Variants in DUSP10 observed in about 807,000 individuals in gnomAD.
The protein encoded by DUSP10 is dual specificity phosphatase 10.
DUSP10 carries 14 observed loss-of-function variants against 30.8 expected under a neutral mutation model. The observed-to-expected ratio is 0.46, with a 90% CI of 0.30 to 0.71. DUSP10 has a LOEUF of 0.71. Among genes scored for constraint, DUSP10 ranks in the 30% least tolerant of loss-of-function variants. The pLI is 0.08. For missense variants in DUSP10, 550 were observed against 619.4 expected, an observed-to-expected ratio of 0.89 and a Z score of 1.19; for synonymous variants, 254 against 250.4, an observed-to-expected ratio of 1.01 and a Z score of -0.14.
At chr1:221,737,425 A>G (rs1368854572) in intron 2 of DUSP10, 2 of 985,192 alleles carry the variant, frequency 2.0e-6, no homozygotes. Context: ...TAGCAGGGTA[A>G]ATATCCTGGG....
chr1:221,736,221 G>C (rs761047818), intron 2 of DUSP10, among the ~76,000 whole-genome samples: 22 of 152,096 alleles, frequency 1.4e-4, no homozygotes, highest in Non-Finnish European at 1.6e-4. Context: ...ATGGAGACAG[G>C]GGGACAAGGA....
intron 2 of DUSP10, among the ~76,000 whole-genome samples, chr1:221,709,849 G>C (rs1166375698): frequency 1.3e-5 from 2 of 152,160 alleles, no homozygotes; most frequent in South Asian, 4.1e-4. Context: ...AGTATCACCA[G>C]AGGCCAAAGT....
At chr1:221,735,341 A>G (rs370818519) in intron 2 of DUSP10, among the ~76,000 whole-genome samples, 1 of 152,230 alleles carries the variant, frequency 6.6e-6, no homozygotes, top group East Asian at 1.9e-4. Flanking sequence ...TCCTACTCCC[A>G]GGGAGGGAAG....
In DUSP10 at chr1:221,718,861, C is replaced by T. The variant is rs142849529; in HGVS notation, c.812-12395G>A. Among the ~76,000 whole-genome samples the T allele has an allele frequency of 4.5e-3, 693 of 152,326 alleles. 4 individuals are homozygous for T. Among genetic ancestry groups the T allele is most frequent in the African/African-American group, 0.016 (665 of 41,562 alleles). The stretch of plus-strand genomic sequence containing the variant: ...ATCTTCAGAAATGTCACATGCGAGC[C>T]TCACAGGAGAGCATATTTCTACTGT... On this transcript the variant is annotated intron_variant, in intron 2 of 3. Transcript: ENST00000366899.
chr1:221,703,061 T>C (rs1660652244), intron 3 of DUSP10, among the ~76,000 whole-genome samples: 1 of 151,974 alleles, frequency 6.6e-6, no homozygotes, highest in South Asian at 2.1e-4. Flanking sequence ...TTCTCTCAAA[T>C]GTCTTGTTCT....
chr1:221,704,866 T>G (rs1372873719), intron 3 of DUSP10, among the ~76,000 whole-genome samples: 2 of 152,114 alleles, frequency 1.3e-5, no homozygotes, highest in African/African-American at 2.4e-5. Flanking sequence ...TGACCAGAGA[T>G]GTCAACACTA....
chr1:221,732,676 C>A (rs1661650501), intron 2 of DUSP10, among the ~76,000 whole-genome samples: 1 of 152,152 alleles, frequency 6.6e-6, no homozygotes, highest in African/African-American at 2.4e-5. Context: ...TGACCTTGGA[C>A]AAGCCCCATT....
At chr1:221,737,700 G>T (rs1661821193) in intron 2 of DUSP10, among the ~76,000 whole-genome samples, 1 of 152,190 alleles carries the variant, frequency 6.6e-6, no homozygotes. Flanking sequence ...GTGGGAAGAG[G>T]AGATTGTGTC....
At chr1:221,715,784 G>A (rs1391017568) in intron 2 of DUSP10, among the ~76,000 whole-genome samples, 1 of 152,160 alleles carries the variant, frequency 6.6e-6, no homozygotes, top group Non-Finnish European at 1.5e-5. Context: ...ATGTGAGCAG[G>A]ATTTGAACTG....
Position 221,709,313 on chromosome 1 carries a change from G to GA in DUSP10, c.812-2848dup, listed in dbSNP as rs143082427. Reference sequence around the variant, plus strand: ...GGGCCTTCCATTTGCCTAATGGGGGGAAAAAAACCCGTGGCGGAGTGGGGG... The same window carrying GA: ...GGGCCTTCCATTTGCCTAATGGGGGGAAAAAAAACCCGTGGCGGAGTGGGGG... On this transcript the variant is annotated intron_variant, in intron 2 of 3. Transcript: ENST00000366899. Among the ~76,000 whole-genome samples the GA allele has an allele frequency of 1.7e-3, 263 of 151,710 alleles. 1 individual carries two copies. Among genetic ancestry groups the GA allele is most frequent in the African/African-American group, 6.3e-3 (259 of 41,302 alleles).
chr1:221,716,646 A>G (rs959028415), intron 2 of DUSP10, among the ~76,000 whole-genome samples: 2 of 152,224 alleles, frequency 1.3e-5, no homozygotes, highest in African/African-American at 4.8e-5. Context: ...TTGGGCTTCA[A>G]TCAAGTGAAT....
intron 2 of DUSP10, among the ~76,000 whole-genome samples, chr1:221,724,132 T>C (rs919519095): frequency 4.6e-5 from 7 of 152,222 alleles, no homozygotes; most frequent in African/African-American, 1.7e-4. Context: ...AATTCTCTAT[T>C]ATACAACAGT....
intron 2 of DUSP10, among the ~76,000 whole-genome samples, chr1:221,707,734 C>T (rs538245296): frequency 3.9e-5 from 6 of 152,132 alleles, no homozygotes; most frequent in Admixed American, 2.0e-4. Context: ...ATTCATTCCA[C>T]GGAGTATTAT....
intron 2 of DUSP10, among the ~76,000 whole-genome samples, chr1:221,727,379 C>G (rs1661454285): frequency 1.3e-5 from 2 of 152,166 alleles, no homozygotes; most frequent in Admixed American, 1.3e-4. Context: ...CTTCTAAACA[C>G]CCTAAACTGA....
At chr1:221,712,914 C>T (rs1358290229) in intron 2 of DUSP10, among the ~76,000 whole-genome samples, 7 of 151,286 alleles carry the variant, frequency 4.6e-5, no homozygotes, top group Non-Finnish European at 7.4e-5. Context: ...TAGGATACTA[C>T]TACTTAGGTC....
Position 221,715,943 on chromosome 1 carries a change from C to T in DUSP10, c.812-9477G>A, listed in dbSNP as rs193271588. On this transcript the variant is annotated intron_variant, in intron 2 of 3. Coordinates refer to ENST00000366899, the MANE Select transcript of DUSP10 (RefSeq NM_007207.6). Reference sequence around the variant, plus strand: ...CCTTTGCCCCCTTCTCCACTCTTCTCTCCCTCACCTCTCCTCCCCAACTCT... The same window carrying T: ...CCTTTGCCCCCTTCTCCACTCTTCTTTCCCTCACCTCTCCTCCCCAACTCT... 1.3e-3 allele frequency among the ~76,000 whole-genome samples: 191 copies of T among 151,246 alleles called. 1 individual carries two copies. Among genetic ancestry groups the T allele is most frequent in the Non-Finnish European group, 1.5e-3 (103 of 67,768 alleles).
At chr1:221,709,448 A>G (rs1660871048) in intron 2 of DUSP10, among the ~76,000 whole-genome samples, 1 of 139,812 alleles carries the variant, frequency 7.2e-6, no homozygotes, top group African/African-American at 2.6e-5. Flanking sequence ...CTCTGTTCTT[A>G]TAATATTTGG....
intron 2 of DUSP10, chr1:221,737,218 T>C: frequency 1.0e-6 from 1 of 985,412 alleles, no homozygotes; most frequent in Non-Finnish European, 1.2e-6. Flanking sequence ...TGTTGTTTCC[T>C]CTCTTCAGAT....
At position 221,702,675 on chromosome 1, in the gene DUSP10, C is replaced by T; in HGVS notation, c.1186G>A (p.Glu396Lys). 3 of 1,610,028 alleles carry T rather than the reference C, an allele frequency of 1.9e-6. No homozygotes were observed. The highest frequency in any genetic ancestry group is 1.3e-5 in the African/African-American group (1 of 74,654). The change falls in exon 4 of 4, where the codon GAA (glutamate) becomes AAA (lysine). Residue 396 changes from glutamate to lysine, a missense_variant and splice_region_variant. Coordinates refer to ENST00000366899, the MANE Select transcript of DUSP10 (RefSeq NM_007207.6). The surrounding 1 kb of genome is among the most constrained non-coding windows in gnomAD (Gnocchi z 4.5). ...AGCCCCTTCCCACACTGGTGAGCTT[C>T]CTCTGAAAAAAGGGAGAAAGACAAG... ...YFEEAFEFIEEAHQCGKGLLI... is the reference protein window; with the variant it reads ...YFEEAFEFIEKAHQCGKGLLI...
Sources: allele counts gnomAD v4.1 joint callset (sites outside exome capture counted in the v4.1 genomes callset), GRCh38; gene constraint gnomAD v4.1.1; non-coding constraint Gnocchi (gnomAD v3.1); transcripts MANE v1.5; gene names NCBI Gene and HGNC (gene_info 2026-07-23, HGNC 2026-07-21).